ASAP2: variants seen among roughly 807,000 people sequenced by gnomAD.
The protein encoded by ASAP2 is arf-GAP with SH3 domain, ANK repeat and PH domain-containing protein 2.
In ASAP2, 45 loss-of-function variants were observed where a neutral mutation model predicts 131.4. The observed-to-expected ratio is 0.34, with a 90% CI of 0.27 to 0.44. ASAP2 has a LOEUF of 0.44. Among genes scored for constraint, ASAP2 ranks in the 20% least tolerant of loss-of-function variants. ASAP2 has a pLI of 1.00. For synonymous variants in ASAP2, 510 were observed against 503.0 expected, an observed-to-expected ratio of 1.01 and a Z score of -0.19; for missense variants, 1,011 against 1,297.0, an observed-to-expected ratio of 0.78 and a Z score of 3.39.
intron 15 of ASAP2, 43 bp downstream of exon 15, chr2:9,358,932 T>G: frequency 1.9e-6 from 3 of 1,571,158 alleles, no homozygotes; most frequent in Non-Finnish European, 2.6e-6. Flanking sequence ...ACAAATGAGC[T>G]GTAAGCTAAA....
chr2:9,261,110 C>A lies in ASAP2; in HGVS notation c.127-18207C>A, dbSNP rs542428479. On this transcript the variant is annotated intron_variant, in intron 1 of 27. Coordinates refer to ENST00000281419, the MANE Select transcript of ASAP2 (RefSeq NM_003887.3). ...GCTTTCTTGGTGAAGGGGTGGACAG[C>A]ACTCTTGGTGTGGAAGTAGCAGCCC... Among the ~76,000 whole-genome samples, 45 of 152,268 alleles carry A rather than the reference C, an allele frequency of 3.0e-4. No individual in the cohort carries two copies. In the South Asian group the frequency reaches 9.1e-3, roughly 31 times the overall value.
intron 12 of ASAP2, among the ~76,000 whole-genome samples, chr2:9,352,078 G>T (rs1672371569): frequency 6.6e-6 from 1 of 152,154 alleles, no homozygotes; most frequent in African/African-American, 2.4e-5. Context: ...AAATGTGATT[G>T]CAAGCCAGGT....
At chr2:9,266,871 C>G (rs1460508532) in intron 1 of ASAP2, among the ~76,000 whole-genome samples, 1 of 152,150 alleles carries the variant, frequency 6.6e-6, no homozygotes, top group Non-Finnish European at 1.5e-5. Flanking sequence ...GGCCGACCTG[C>G]ATTCAGTTTC....
chr2:9,237,392 A>T (rs1663627116), intron 1 of ASAP2, among the ~76,000 whole-genome samples: 1 of 150,688 alleles, frequency 6.6e-6, no homozygotes, highest in Non-Finnish European at 1.5e-5. Flanking sequence ...AAATTTAGGA[A>T]GCACCCACTG....
chr2:9,273,441 G>C (rs1666545676), intron 1 of ASAP2, among the ~76,000 whole-genome samples: 1 of 152,156 alleles, frequency 6.6e-6, no homozygotes, highest in African/African-American at 2.4e-5. Flanking sequence ...CCACCCAATG[G>C]GTTCACCTTG....
chr2:9,376,425 T>C (rs956282868), intron 17 of ASAP2, among the ~76,000 whole-genome samples: 1 of 152,276 alleles, frequency 6.6e-6, no homozygotes, highest in African/African-American at 2.4e-5. Flanking sequence ...ATCCCCAGTA[T>C]GAGTTGGAGA....
chr2:9,215,814 A>G (rs1470002197), intron 1 of ASAP2, among the ~76,000 whole-genome samples: 4 of 152,164 alleles, frequency 2.6e-5, no homozygotes, highest in Non-Finnish European at 2.9e-5. Context: ...CAGTGTTAGA[A>G]TTATGAGGCG....
chr2:9,367,261 G>A (rs1368777384), intron 15 of ASAP2, among the ~76,000 whole-genome samples: 1 of 151,660 alleles, frequency 6.6e-6, no homozygotes, highest in Non-Finnish European at 1.5e-5. Flanking sequence ...TCGAACTCCT[G>A]AGCTCAGCCG....
intron 3 of ASAP2, among the ~76,000 whole-genome samples, chr2:9,305,354 TGGA>T (rs1485389534): frequency 1.4e-5 from 2 of 138,600 alleles, no homozygotes; most frequent in African/African-American, 5.5e-5. Flanking sequence ...GTATAGATAT[TGGA>T]GGGGCTGGAG....
rs569776707 is a variant in ASAP2, at chr2:9,351,708, G to C, written c.1111+813G>C. 8.5e-5 allele frequency among the ~76,000 whole-genome samples: 13 copies of C among 152,278 alleles called. No homozygotes were observed. In the South Asian group the frequency reaches 2.7e-3, roughly 32 times the overall value. On this transcript the variant is annotated intron_variant, in intron 12 of 27. Coordinates refer to ENST00000281419, the MANE Select transcript of ASAP2 (RefSeq NM_003887.3). ...GAGATGGCTACCTTTTCAAATGTCA[G>C]TTGACCTGTATTATTGAGGGCTAGG...
At chr2:9,234,723 T>C (rs1220549369) in intron 1 of ASAP2, among the ~76,000 whole-genome samples, 2 of 152,134 alleles carry the variant, frequency 1.3e-5, no homozygotes, top group Non-Finnish European at 2.9e-5. Context: ...GACTGTTGAA[T>C]TGAGCTGGGG....
chr2:9,270,273 C>T (rs560974309), intron 1 of ASAP2, among the ~76,000 whole-genome samples: 2 of 152,040 alleles, frequency 1.3e-5, no homozygotes, highest in Non-Finnish European at 2.9e-5. Flanking sequence ...GTTGCTTTTC[C>T]CCCGCTCTGA....
intron 1 of ASAP2, among the ~76,000 whole-genome samples, chr2:9,230,892 G>T (rs1663111789): frequency 6.6e-6 from 1 of 152,178 alleles, no homozygotes; most frequent in South Asian, 2.1e-4. Context: ...CTGCACAGGA[G>T]CATGGGCCAG....
At chr2:9,331,310 C>G (rs555880851) in intron 7 of ASAP2, among the ~76,000 whole-genome samples, 1 of 152,316 alleles carries the variant, frequency 6.6e-6, no homozygotes, top group African/African-American at 2.4e-5. Flanking sequence ...AAGAATACTT[C>G]GTGTTCTTTT....
At chr2:9,229,326 C>T (rs565327439) in intron 1 of ASAP2, among the ~76,000 whole-genome samples, 5 of 152,240 alleles carry the variant, frequency 3.3e-5, no homozygotes, top group South Asian at 4.1e-4. Flanking sequence ...CAGTGGTGCC[C>T]GCCACAGTGA....
chr2:9,289,921 G>T (rs1010311647), intron 2 of ASAP2, among the ~76,000 whole-genome samples: 3 of 152,290 alleles, frequency 2.0e-5, no homozygotes, highest in Middle Eastern at 6.8e-3. Flanking sequence ...AAAGATGATG[G>T]AAATGGGTAT....
chr2:9,358,337 T>C (rs1008921952), intron 14 of ASAP2, among the ~76,000 whole-genome samples: 4 of 152,346 alleles, frequency 2.6e-5, no homozygotes, highest in Admixed American at 2.6e-4. Context: ...TAGATGCATA[T>C]GTTTTAAGCC....
chr2:9,210,862 A>G (rs951133699), intron 1 of ASAP2, among the ~76,000 whole-genome samples: 4 of 150,056 alleles, frequency 2.7e-5, no homozygotes, highest in Admixed American at 6.6e-5. Context: ...ATTTTTTAAA[A>G]GTTTGTTGTC....
chr2:9,357,492 A>G (rs1672798260), intron 14 of ASAP2, among the ~76,000 whole-genome samples: 1 of 152,118 alleles, frequency 6.6e-6, no homozygotes, highest in Non-Finnish European at 1.5e-5. Context: ...CAAACAAACA[A>G]AAAACCCGAA....
Sources: allele counts gnomAD v4.1 joint callset (sites outside exome capture counted in the v4.1 genomes callset), GRCh38; gene constraint gnomAD v4.1.1; transcripts MANE v1.5; gene names NCBI Gene and HGNC (gene_info 2026-07-23, HGNC 2026-07-21).